Variants in MYO10 observed in about 807,000 individuals in gnomAD.
The protein encoded by MYO10 is myosin X, also known as unconventional myosin-X.
MYO10 carries 133 observed loss-of-function variants against 257.3 expected under a neutral mutation model. That is an observed-to-expected ratio of 0.52 (90% CI 0.45 to 0.60). The LOEUF is 0.60. MYO10 is among the 20% of genes least tolerant of loss of function. MYO10 has a pLI of 0.00. For missense variants in MYO10, 2,399 were observed against 2,635.7 expected (o/e 0.91, Z 1.97); for synonymous variants, 1,104 against 1,028.6 (o/e 1.07, Z -1.40).
At chr5:16,860,605 C>A (rs1478013884) in intron 2 of MYO10, among the ~76,000 whole-genome samples, 1 of 152,024 alleles carries the variant, frequency 6.6e-6, no homozygotes, top group Non-Finnish European at 1.5e-5. Flanking sequence ...ACACTTAAAC[C>A]CAAATGTCCT....
intron 1 of MYO10, among the ~76,000 whole-genome samples, chr5:16,886,990 C>T (rs1320793390): frequency 6.6e-6 from 1 of 150,580 alleles, no homozygotes; most frequent in Non-Finnish European, 1.5e-5. Flanking sequence ...CTGAAGACCA[C>T]AGTGTTCCAA....
chr5:16,705,870 T>C lies in MYO10; in HGVS notation c.2170-1185A>G, dbSNP rs185990196. On this transcript the variant is annotated intron_variant, in intron 21 of 40. Transcript: ENST00000513610. ...TCCTCTCCTTATAATACAATTATTATTGTATTATATATACAATATATATTC... is the reference window on the plus strand; with the variant it reads ...TCCTCTCCTTATAATACAATTATTACTGTATTATATATACAATATATATTC... Among the ~76,000 whole-genome samples the C allele has an allele frequency of 2.2e-4, 33 of 152,270 alleles. No homozygotes were observed. The East Asian group carries it at 6.2e-3, about 28-fold the overall frequency.
At chr5:16,678,657 T>G (rs1736846271) in intron 33 of MYO10, among the ~76,000 whole-genome samples, 1 of 152,150 alleles carries the variant, frequency 6.6e-6, no homozygotes, top group Admixed American at 6.5e-5. Context: ...AACATACCAC[T>G]TTGGAATCAG....
At chr5:16,915,781 C>A (rs1337082059) in intron 1 of MYO10, among the ~76,000 whole-genome samples, 3 of 152,062 alleles carry the variant, frequency 2.0e-5, no homozygotes, top group Non-Finnish European at 4.4e-5. Flanking sequence ...CATGGCAAAA[C>A]CCAGTCTCCA....
intron 1 of MYO10, among the ~76,000 whole-genome samples, chr5:16,878,980 A>G (rs1205197865): frequency 1.3e-5 from 2 of 151,814 alleles, no homozygotes; most frequent in Non-Finnish European, 2.9e-5. Context: ...AAAACTAATG[A>G]AATTTAAAAA....
intron 1 of MYO10, among the ~76,000 whole-genome samples, chr5:16,899,563 G>A (rs1745316184): frequency 6.6e-6 from 1 of 151,124 alleles, no homozygotes; most frequent in Non-Finnish European, 1.5e-5. Context: ...CGTGAACCTG[G>A]GAGGCAGAGC....
At position 16,663,325 on chromosome 5, in the gene MYO10, G is replaced by GTTTTTTTT. The variant is rs1561158360; in HGVS notation, c.*3366_*3367insAAAAAAAA. 3 of 41,304 alleles carry GTTTTTTTT rather than the reference G, an allele frequency of 7.3e-5. No individual in the cohort carries two copies. Among genetic ancestry groups the GTTTTTTTT allele is most frequent in the African/African-American group, 2.7e-4 (2 of 7,416 alleles). The allele number at this position is 41,304 out of a possible 1,614,324, so 2.6% of individuals were successfully genotyped here. A position where few individuals can be genotyped will look rare whatever the true frequency, so the allele number is the denominator to read the frequency against. ...GGAAAAAAGTAACATTTTACTTCTA[G>GTTTTTTTT]TTGTTTTTTTTTTTTTTTTTTTTTT... is the stretch of plus-strand genomic sequence containing the variant. On this transcript the variant is annotated 3_prime_UTR_variant, in exon 41 of 41. Transcript: ENST00000513610.
intron 19 of MYO10, among the ~76,000 whole-genome samples, chr5:16,726,445 G>A (rs1212718089): frequency 1.3e-5 from 2 of 152,180 alleles, no homozygotes; most frequent in East Asian, 3.8e-4. Context: ...ACTCTATGAG[G>A]TAGATATTAT....
chr5:16,862,873 G>C (rs1407293796), intron 2 of MYO10, among the ~76,000 whole-genome samples: 2 of 152,170 alleles, frequency 1.3e-5, no homozygotes, highest in African/African-American at 4.8e-5. Flanking sequence ...GCAAGACCAG[G>C]AGGCTTGCCA....
At chr5:16,742,212 G>A (rs1302731375) in intron 19 of MYO10, 2 of 985,212 alleles carry the variant, frequency 2.0e-6, no homozygotes, top group Admixed American at 6.1e-5. Context: ...CAGAGAACAA[G>A]AACAGCACTC....
chr5:16,722,158 G>A (rs753600355), intron 19 of MYO10, among the ~76,000 whole-genome samples: 19 of 152,220 alleles, frequency 1.2e-4, no homozygotes, highest in Admixed American at 2.6e-4. Context: ...AAACTGTCCC[G>A]ATGCATCCCA....
intron 19 of MYO10, among the ~76,000 whole-genome samples, chr5:16,744,841 G>A (rs1740138371): frequency 6.6e-6 from 1 of 152,064 alleles, no homozygotes; most frequent in Non-Finnish European, 1.5e-5. Context: ...TGCATAATGT[G>A]TTGATGTTTA....
At chr5:16,797,231 G>C (rs962374851) in intron 3 of MYO10, among the ~76,000 whole-genome samples, 1 of 152,236 alleles carries the variant, frequency 6.6e-6, no homozygotes, top group East Asian at 1.9e-4. Context: ...ATGCTGAAAA[G>C]AAATGTTCAT....
chr5:16,854,178 A>G (rs1743895261), intron 2 of MYO10: 1 of 152,214 alleles, frequency 6.6e-6, no homozygotes, highest in South Asian at 2.1e-4. Context: ...GATCTTAAGT[A>G]TATATAATAT....
chr5:16,796,115 G>A (rs1220103151), intron 3 of MYO10, among the ~76,000 whole-genome samples: 4 of 150,432 alleles, frequency 2.7e-5, no homozygotes, highest in African/African-American at 9.8e-5. Context: ...CTTGAACCTG[G>A]GAGGTGGAGG....
chr5:16,736,551 TC>T (rs1739812786), intron 19 of MYO10, among the ~76,000 whole-genome samples: 1 of 152,202 alleles, frequency 6.6e-6, no homozygotes, highest in South Asian at 2.1e-4. Context: ...AACCTGCCCT[TC>T]CACTTCTGCA....
intron 11 of MYO10, 44 bp from the exon 12 acceptor site, chr5:16,764,440 C>T (rs747629750): frequency 9.3e-6 from 15 of 1,606,894 alleles, no homozygotes; most frequent in Middle Eastern, 1.7e-4. Context: ...CCCCGGGCAC[C>T]CCAGACAGGC....
chr5:16,706,625 T>C (rs1738360099), intron 21 of MYO10, among the ~76,000 whole-genome samples: 1 of 152,154 alleles, frequency 6.6e-6, no homozygotes, highest in South Asian at 2.1e-4. Context: ...GACACAGCGA[T>C]GACGTGAACA....
At chr5:16,782,610 T>TA (rs1396709730) in intron 5 of MYO10, among the ~76,000 whole-genome samples, 1 of 152,112 alleles carries the variant, frequency 6.6e-6, no homozygotes, top group Non-Finnish European at 1.5e-5. Context: ...GTTTACATGC[T>TA]AAAAAACAAA....
Sources: gnomAD v4.1 joint callset for allele counts (sites outside exome capture counted in the v4.1 genomes callset) on GRCh38, gnomAD v4.1.1 for gene constraint, MANE v1.5 for transcripts, NCBI Gene and HGNC (gene_info 2026-07-23, HGNC 2026-07-21) for gene names.